SLC38A12: variants seen among roughly 807,000 people sequenced by gnomAD.
The protein encoded by SLC38A12 is solute carrier family 38 member 12.
the SLC38A12 span, among the ~76,000 whole-genome samples, chr17:74,799,630 G>A: frequency 4.6e-5 from 7 of 152,170 alleles, no homozygotes; most frequent in African/African-American, 1.4e-4. Flanking sequence ...CTAGAGGGCC[G>A]GGTCAGTCTC....
chr17:74,827,186 T>G, the SLC38A12 span, among the ~76,000 whole-genome samples: 3 of 152,062 alleles, frequency 2.0e-5, no homozygotes, highest in African/African-American at 7.2e-5. This position sits in a 1 kb window ranked among gnomAD's most constrained non-coding sequence, Gnocchi z 4.7. Flanking sequence ...AATGGGTTTC[T>G]GCAATGATAG....
the SLC38A12 span, among the ~76,000 whole-genome samples, chr17:74,821,089 G>A: frequency 3.9e-5 from 6 of 152,226 alleles, no homozygotes; most frequent in East Asian, 1.9e-4. Context: ...CAGAGCTCAC[G>A]ACTGGATGAG....
the SLC38A12 span, among the ~76,000 whole-genome samples, chr17:74,784,536 G>A: frequency 8.5e-5 from 13 of 152,198 alleles, no homozygotes; most frequent in Admixed American, 2.6e-4. Context: ...GAAAGGAGGC[G>A]TGTGCTTGGT....
chr17:74,837,887 C>A, the SLC38A12 span: 1 of 985,956 alleles, frequency 1.0e-6, no homozygotes, highest in Non-Finnish European at 1.2e-6. Context: ...CAGCCCTGGG[C>A]CTGGCCCCAC....
the SLC38A12 span, among the ~76,000 whole-genome samples, chr17:74,830,976 A>G: frequency 2.0e-5 from 3 of 152,316 alleles, no homozygotes; most frequent in South Asian, 6.2e-4. Context: ...GGCTCTGCCT[A>G]TGGGTGTCCT....
At chr17:74,777,550 T>G in the SLC38A12 span, 10 of 1,536,566 alleles carry the variant, frequency 6.5e-6, no homozygotes, top group Non-Finnish European at 7.9e-6. Flanking sequence ...TGGCTCAGAA[T>G]GTAAGTCAGA....
At chr17:74,818,022 T>A in the SLC38A12 span, among the ~76,000 whole-genome samples, 9 of 152,178 alleles carry the variant, frequency 5.9e-5, no homozygotes, top group East Asian at 1.7e-3. Context: ...CTACCTGACA[T>A]CTCCCTCTTC....
At chr17:74,820,379 G>C in the SLC38A12 span, among the ~76,000 whole-genome samples, 2 of 152,202 alleles carry the variant, frequency 1.3e-5, no homozygotes, top group Non-Finnish European at 2.9e-5. Flanking sequence ...TCTAACCAAC[G>C]GACACTGTGC....
At chr17:74,790,207 A>G in the SLC38A12 span, 1 of 1,613,640 alleles carries the variant, frequency 6.2e-7, no homozygotes, top group Non-Finnish European at 8.5e-7. Context: ...CAGGAGGAGG[A>G]AGATGACGAC....
chr17:74,833,703 C>T, the SLC38A12 span, among the ~76,000 whole-genome samples: 79 of 152,280 alleles, frequency 5.2e-4, 1 homozygote, highest in East Asian at 0.014. Flanking sequence ...GGCCCAGGGC[C>T]GAGTGACAGA....
At chr17:74,788,324 G>A in the SLC38A12 span, among the ~76,000 whole-genome samples, 283 of 152,312 alleles carry the variant, frequency 1.9e-3, no homozygotes, top group African/African-American at 6.4e-3. Context: ...CGCTCCTTCC[G>A]TGAGTGTATG....
chr17:74,830,642 C>T, the SLC38A12 span, among the ~76,000 whole-genome samples: 1 of 152,256 alleles, frequency 6.6e-6, no homozygotes, highest in Non-Finnish European at 1.5e-5. Flanking sequence ...TGCCCGTACA[C>T]TGGATGTGCC....
At chr17:74,790,919 GA>G in the SLC38A12 span, 2 of 1,606,584 alleles carry the variant, frequency 1.2e-6, no homozygotes, top group East Asian at 4.5e-5. Flanking sequence ...TCCACGTGAA[GA>G]ACCACTTCCT....
the SLC38A12 span, among the ~76,000 whole-genome samples, chr17:74,788,214 T>G: frequency 6.6e-6 from 1 of 152,368 alleles, no homozygotes; most frequent in East Asian, 1.9e-4. Flanking sequence ...TGCAAACTTA[T>G]TTTAATATTA....
the SLC38A12 span, chr17:74,788,739 T>C: frequency 6.5e-7 from 1 of 1,543,800 alleles, no homozygotes; most frequent in African/African-American, 1.4e-5. Context: ...CTTCTCTCTC[T>C]GTCTCCTCCA....
the SLC38A12 span, among the ~76,000 whole-genome samples, chr17:74,815,182 G>A: frequency 7.9e-5 from 12 of 152,182 alleles, no homozygotes; most frequent in Non-Finnish European, 1.2e-4. Flanking sequence ...CTGCACCAGT[G>A]ACCTTGCAGC....
At chr17:74,802,424 C>G in the SLC38A12 span, among the ~76,000 whole-genome samples, 1 of 152,192 alleles carries the variant, frequency 6.6e-6, no homozygotes, top group African/African-American at 2.4e-5. Context: ...CACTCCCTTA[C>G]CCAGCTCGGA....
At chr17:74,787,616 G>A in the SLC38A12 span, among the ~76,000 whole-genome samples, 2 of 123,696 alleles carry the variant, frequency 1.6e-5, no homozygotes, top group Admixed American at 7.7e-5. Context: ...GCGACAGAGC[G>A]AGACTCCGTC....
chr17:74,784,851 G>C, the SLC38A12 span, among the ~76,000 whole-genome samples: 2 of 152,138 alleles, frequency 1.3e-5, no homozygotes, highest in African/African-American at 4.8e-5. Context: ...TGATAAAATG[G>C]AATTAGCTGG....
Sources: gnomAD v4.1 joint callset for allele counts (sites outside exome capture counted in the v4.1 genomes callset) on GRCh38, gnomAD v4.1.1 for gene constraint, Gnocchi (gnomAD v3.1) non-coding constraint, MANE v1.5 for transcripts, NCBI Gene and HGNC (gene_info 2026-07-23, HGNC 2026-07-21) for gene names.